Variants in LRRC27 observed in about 807,000 individuals in gnomAD.
The protein encoded by LRRC27 is leucine rich repeat containing 27, also known as leucine-rich repeat-containing protein 27.
LRRC27 carries 57 observed loss-of-function variants against 55.0 expected under a neutral mutation model. That is an observed-to-expected ratio of 1.04 (90% confidence interval 0.84 to 1.29). The LOEUF (loss-of-function observed/expected upper bound fraction) is 1.29, where lower values mean the gene tolerates loss of function less well. LRRC27 is among the 50% of genes most tolerant of loss of function. The pLI, the probability that LRRC27 is intolerant of heterozygous loss-of-function variation, is 0.00. For missense variants in LRRC27, 721 were observed against 651.5 expected (o/e 1.11, Z -1.16); for synonymous variants, 278 against 251.9 (o/e 1.10, Z -0.98).
intron 7 of LRRC27, among the ~76,000 whole-genome samples, chr10:132,354,841 G>A (rs549160005): frequency 5.5e-4 from 84 of 152,286 alleles, no homozygotes; most frequent in African/African-American, 1.5e-3. Context: ...ATGGAGAGGG[G>A]GTACCAACCA....
chr10:132,337,879 G>A (rs2067211010), intron 3 of LRRC27, among the ~76,000 whole-genome samples, 184 bp downstream of exon 3: 1 of 152,232 alleles, frequency 6.6e-6, no homozygotes, highest in Non-Finnish European at 1.5e-5. Context: ...ACTATAACTT[G>A]GGATATTTGG....
chr10:132,339,003 C>T (rs2067263570), intron 3 of LRRC27, among the ~76,000 whole-genome samples: 1 of 152,230 alleles, frequency 6.6e-6, no homozygotes, highest in Non-Finnish European at 1.5e-5. Context: ...AGCCCCCGCG[C>T]CCGGCTACCT....
At chr10:132,351,391 G>A (rs1385648080) in intron 6 of LRRC27, 9 of 584,412 alleles carry the variant, frequency 1.5e-5, no homozygotes, top group Non-Finnish European at 2.5e-5. Flanking sequence ...CAGTGGGCGC[G>A]TTGGGACAGT....
rs1306255765 is a variant in LRRC27 at position 132,348,245 on chromosome 10, A to C, written c.815A>C (p.His272Pro). 8 of 1,614,084 alleles carry C rather than the reference A, an allele frequency of 5.0e-6. No individual in the cohort carries two copies. Among genetic ancestry groups the C allele is most frequent in the East Asian group, 2.2e-5 (1 of 44,884 alleles). ...FWKLRQEIVE[H>P]VKADVLGDQL... ...AAGCTGAGGCAGGAGATTGTTGAGC[A>C]CGTGAAGGCAGACGTTCTGGGAGAT... Residue 272 changes from histidine to proline, a missense_variant, in exon 6 of 11, where the codon CAC becomes CCC. Physicochemically the swap from His to Pro is moderately conservative, Grantham distance 77. Transcript: ENST00000368614. The surrounding 1 kb of genome is among the most constrained non-coding windows in gnomAD (Gnocchi z 4.2).
chr10:132,349,311 C>T (rs944465536), intron 6 of LRRC27, among the ~76,000 whole-genome samples: 2 of 152,190 alleles, frequency 1.3e-5, no homozygotes, highest in African/African-American at 4.8e-5. Context: ...TGGCACCAGA[C>T]CTTCCCGGAG....
chr10:132,335,950 C>G (rs1384038288), intron 2 of LRRC27, among the ~76,000 whole-genome samples: 1 of 152,180 alleles, frequency 6.6e-6, no homozygotes, highest in African/African-American at 2.4e-5. Context: ...GAATGGCCAA[C>G]AAGCAGGCAT....
At position 132,333,700 on chromosome 10, in the gene LRRC27, G is replaced by A. The variant is rs764185972; in HGVS notation, c.176G>A (p.Arg59His). Residue 59 changes from arginine to histidine, a missense_variant, in exon 2 of 11, where the codon CGT becomes CAT. Physicochemically the swap from Arg to His is conservative, Grantham distance 29 (BLOSUM62 0). Transcript: ENST00000368614. ...ILDLSESGLC[R>H]LEEVFRIPSL... The stretch of plus-strand genomic sequence containing the variant: ...GACTTGAGTGAAAGTGGTCTGTGCC[G>A]TTTGGAGGAGGTCTTTAGAATCCCC... The A allele has an allele frequency of 8.7e-6, 14 of 1,613,670 alleles. No individual in the cohort carries two copies. The highest frequency in any genetic ancestry group is 5.3e-5 in the African/African-American group (4 of 75,032).
At chr10:132,332,579 T>G (rs1012841554) in intron 1 of LRRC27, 2 of 152,140 alleles carry the variant, frequency 1.3e-5, no homozygotes, top group Non-Finnish European at 2.9e-5. Context: ...TAAGATACTT[T>G]CCCTGTTCTG....
At chr10:132,343,788 C>T (rs1392986305) in intron 4 of LRRC27, among the ~76,000 whole-genome samples, 4 of 152,238 alleles carry the variant, frequency 2.6e-5, no homozygotes, top group Admixed American at 6.5e-5. Context: ...CTGGCTCCCT[C>T]AGATTGGGAA....
rs1273266360 is a variant in LRRC27 at position 132,378,688 on chromosome 10, T to C, written c.*3446T>C. The stretch of plus-strand genomic sequence containing the variant: ...TCCCACAGAAAAACCCATGAGGTTT[T>C]TTAACATTAAAAACAGCAGCTTTAT... On this transcript the variant is annotated 3_prime_UTR_variant, in exon 11 of 11. Transcript: ENST00000368614. The C allele has an allele frequency of 6.6e-6, 1 of 152,304 alleles. No homozygotes were observed. The highest frequency in any genetic ancestry group is 1.5e-5 in the Non-Finnish European group (1 of 68,076). 9.4% of individuals were successfully genotyped at this position (152,304 alleles called of 1,614,324 possible).
At chr10:132,330,371 C>T (rs2138511328), upstream of LRRC27, 1 of 704,876 alleles carries the variant, frequency 1.4e-6, no homozygotes, top group East Asian at 2.7e-5. Context: ...TGAAATCTTC[C>T]ATCCCCTTCG....
At chr10:132,353,202 C>G in intron 7 of LRRC27, 1 of 1,375,090 alleles carries the variant, frequency 7.3e-7, no homozygotes, top group Non-Finnish European at 9.4e-7. Flanking sequence ...CTCGTCTTTA[C>G]TTTCCCGGCT....
intron 9 of LRRC27, among the ~76,000 whole-genome samples, chr10:132,364,836 GCCCACACCCTGGGGC>G (rs2068971826): frequency 2.5e-3 from 15 of 6,004 alleles, no homozygotes; most frequent in South Asian, 6.3e-3. Flanking sequence ...CTACCTCCAC[GCCCACACCCTGGGGC>G]CCCACACTCA....
At position 132,358,345 on chromosome 10, in the gene LRRC27, G is replaced by C. The variant is rs1288942162; in HGVS notation, c.1170+2459G>C. 3.6e-5 allele frequency among the ~76,000 whole-genome samples: 5 copies of C among 139,792 alleles called. No individual in the cohort carries two copies. In the East Asian group the frequency reaches 1.1e-3, roughly 31 times the overall value. 91.7% of individuals were successfully genotyped at this position (139,792 alleles called of 152,430 possible). ...AGGTGATGGAGCAGCGTGGGGAGGA[G>C]CCGAGGTGGTGGAGCAGCGTGGGGA... On this transcript the variant is annotated intron_variant, in intron 8 of 10. Coordinates refer to ENST00000368614, the MANE Select transcript of LRRC27 (RefSeq NM_030626.3).
At chr10:132,344,466 A>G (rs2067575934) in intron 4 of LRRC27, 32 bp from the exon 5 acceptor site, 6 of 1,592,248 alleles carry the variant, frequency 3.8e-6, no homozygotes, top group Non-Finnish European at 5.2e-6. Context: ...TGGTATATAG[A>G]ATGCTGACAG....
At position 132,374,031 on chromosome 10, in the gene LRRC27, G is replaced by GTTA. The variant is rs2069282759; in HGVS notation, c.1417-1034_1417-1032dup. Among the ~76,000 whole-genome samples, 5 of 152,182 alleles carry GTTA rather than the reference G, an allele frequency of 3.3e-5. No homozygotes were observed. The highest frequency in any genetic ancestry group is 3.3e-4 in the Admixed American group (5 of 15,286). On this transcript the variant is annotated intron_variant, in intron 10 of 10. Transcript: ENST00000368614. The surrounding 1 kb of genome is among the most constrained non-coding windows in gnomAD (Gnocchi z 4.4). Reference sequence around the variant, plus strand: ...GCCGTGAGTGCTGCTCTAGCCCACAGTTACGATATGGGGGCGGGGGAGGCT... The same window carrying GTTA: ...GCCGTGAGTGCTGCTCTAGCCCACAGTTATTACGATATGGGGGCGGGGGAGGCT...
upstream of LRRC27, chr10:132,331,533 G>A: frequency 6.2e-7 from 1 of 1,612,966 alleles, no homozygotes; most frequent in Non-Finnish European, 8.5e-7. Flanking sequence ...CAAGTCCTGA[G>A]GCAAGATTTG....
chr10:132,332,139 T>G, upstream of LRRC27: 1 of 172,598 alleles, frequency 5.8e-6, no homozygotes, highest in Non-Finnish European at 1.2e-5. Flanking sequence ...GCGTGGCGCC[T>G]GCGGGATTCC....
At chr10:132,338,556 G>T (rs1315643515) in intron 3 of LRRC27, among the ~76,000 whole-genome samples, 2 of 152,012 alleles carry the variant, frequency 1.3e-5, no homozygotes, top group Non-Finnish European at 2.9e-5. Context: ...CCCCTCCTCA[G>T]CCTGGCCCTT....
Sources: gnomAD v4.1 joint callset for allele counts (sites outside exome capture counted in the v4.1 genomes callset) on GRCh38, gnomAD v4.1.1 for gene constraint, Gnocchi (gnomAD v3.1) non-coding constraint, MANE v1.5 for transcripts, NCBI Gene and HGNC (gene_info 2026-07-23, HGNC 2026-07-21) for gene names.